The following GRIK2 variants were observed in gnomAD, a reference collection of about 807,000 sequenced individuals.
The protein encoded by GRIK2 is glutamate receptor ionotropic, kainate 2.
In GRIK2, 32 loss-of-function variants were observed where a neutral mutation model predicts 100.3. The ratio of observed to expected loss-of-function variants is 0.32; its 90% CI spans 0.24 to 0.43. GRIK2 has a LOEUF of 0.43. Ranked by LOEUF, GRIK2 falls within the 20% of genes least tolerant of loss-of-function variation. The pLI, the probability that GRIK2 is intolerant of heterozygous loss-of-function variation, is 1.00. For synonymous variants in GRIK2, 417 were observed against 389.4 expected (o/e 1.07, Z -0.83); for missense variants, 843 against 1,114.9 (o/e 0.76, Z 3.47).
intron 14 of GRIK2, among the ~76,000 whole-genome samples, chr6:101,977,789 A>T (rs1793483009): frequency 6.6e-6 from 1 of 151,978 alleles, no homozygotes; most frequent in Non-Finnish European, 1.5e-5. Flanking sequence ...ACAATCCTCT[A>T]AGCCTTTTTT....
At chr6:102,054,288 C>T (rs1347923891) in intron 15 of GRIK2, among the ~76,000 whole-genome samples, 1 of 152,118 alleles carries the variant, frequency 6.6e-6, no homozygotes, top group East Asian at 1.9e-4. Flanking sequence ...GATGTGGACA[C>T]ATTTAAATCA....
intron 2 of GRIK2, among the ~76,000 whole-genome samples, chr6:101,549,585 C>A (rs1385181297): frequency 2.0e-5 from 3 of 151,940 alleles, no homozygotes; most frequent in African/African-American, 7.3e-5. Flanking sequence ...TTTAATGCAG[C>A]AATTTTTTTC....
At chr6:101,874,859 A>G (rs1398464057) in intron 11 of GRIK2, among the ~76,000 whole-genome samples, 1 of 152,056 alleles carries the variant, frequency 6.6e-6, no homozygotes, top group Non-Finnish European at 1.5e-5. Context: ...CTTAGAAGCA[A>G]TTGTGAATGG....
chr6:101,536,053 C>T (rs900485442), intron 2 of GRIK2, among the ~76,000 whole-genome samples: 3 of 151,714 alleles, frequency 2.0e-5, no homozygotes, highest in African/African-American at 7.2e-5. Context: ...ATTTCACAGT[C>T]ATCTGAGATT....
chr6:101,562,067 A>G (rs1209686269), intron 2 of GRIK2, among the ~76,000 whole-genome samples: 1 of 152,176 alleles, frequency 6.6e-6, no homozygotes, highest in Admixed American at 6.5e-5. Context: ...GCAGAAAACA[A>G]TGGCAAAGCT....
At chr6:101,398,032 T>G (rs1775083153) in intron 1 of GRIK2, among the ~76,000 whole-genome samples, 1 of 152,188 alleles carries the variant, frequency 6.6e-6, no homozygotes, top group African/African-American at 2.4e-5. Flanking sequence ...AATAAACTCC[T>G]AACGAAAGCC....
At chr6:101,482,996 G>A (rs186875054) in intron 2 of GRIK2, among the ~76,000 whole-genome samples, 7 of 152,196 alleles carry the variant, frequency 4.6e-5, no homozygotes, top group East Asian at 1.9e-4. Context: ...TACATCCAAC[G>A]TGTAATTATT....
At chr6:101,984,722 A>C (rs1793922327) in intron 14 of GRIK2, among the ~76,000 whole-genome samples, 1 of 151,038 alleles carries the variant, frequency 6.6e-6, no homozygotes, top group South Asian at 2.1e-4. Flanking sequence ...TTTCAGAATC[A>C]ATCTAAAGAG....
At chr6:101,998,528 T>A (rs1794763982) in intron 14 of GRIK2, among the ~76,000 whole-genome samples, 1 of 152,096 alleles carries the variant, frequency 6.6e-6, no homozygotes, top group Non-Finnish European at 1.5e-5. Context: ...TTTGTTGTCT[T>A]ATTTAGGAAA....
chr6:101,945,192 T>C (rs545542002), intron 14 of GRIK2, among the ~76,000 whole-genome samples: 16 of 152,118 alleles, frequency 1.1e-4, no homozygotes, highest in Non-Finnish European at 2.1e-4. Context: ...GCTTTTTAGG[T>C]TTATGCAATC....
chr6:101,968,133 A>AGTT (rs1792806965), intron 14 of GRIK2, among the ~76,000 whole-genome samples: 1 of 152,186 alleles, frequency 6.6e-6, no homozygotes, highest in South Asian at 2.1e-4. Context: ...AATTTTCAAA[A>AGTT]GTTAAAAAAA....
intron 4 of GRIK2, among the ~76,000 whole-genome samples, chr6:101,639,534 CA>C (rs1781184774): frequency 6.6e-6 from 1 of 152,064 alleles, no homozygotes; most frequent in Non-Finnish European, 1.5e-5. Flanking sequence ...GACTTGTCCA[CA>C]TAAAAATTGA....
chr6:101,993,120 AT>A (rs1794458380), intron 14 of GRIK2: 1 of 151,290 alleles, frequency 6.6e-6, no homozygotes, highest in African/African-American at 2.4e-5. Context: ...AGCCAATAAC[AT>A]TCTTTTCCTC....
At chr6:101,571,551 G>T (rs1232100339) in intron 2 of GRIK2, among the ~76,000 whole-genome samples, 1 of 152,026 alleles carries the variant, frequency 6.6e-6, no homozygotes, top group African/African-American at 2.4e-5. Flanking sequence ...TGCAAGAAAG[G>T]TATTTTATTT....
At chr6:101,757,349 A>G (rs1777199467) in intron 7 of GRIK2, among the ~76,000 whole-genome samples, 1 of 152,198 alleles carries the variant, frequency 6.6e-6, no homozygotes, top group East Asian at 1.9e-4. Flanking sequence ...TTCATGGAAA[A>G]CAATATAGTA....
chr6:101,648,685 CATTT>C (rs774279760), intron 4 of GRIK2, among the ~76,000 whole-genome samples: 15 of 151,908 alleles, frequency 9.9e-5, no homozygotes, highest in South Asian at 2.1e-4. Context: ...CCCTTGATTT[CATTT>C]ATTTATCATT....
intron 4 of GRIK2, among the ~76,000 whole-genome samples, chr6:101,635,892 C>T (rs1329831927): frequency 1.3e-5 from 2 of 152,192 alleles, no homozygotes; most frequent in African/African-American, 2.4e-5. Context: ...AATGCTTTTA[C>T]ACTGTTGGTA....
At chr6:101,924,300 C>A (rs1019680453) in intron 12 of GRIK2, among the ~76,000 whole-genome samples, 1 of 151,926 alleles carries the variant, frequency 6.6e-6, no homozygotes, top group Non-Finnish European at 1.5e-5. Context: ...TTTTATAAAT[C>A]CTGTACATAC....
chr6:101,750,592 G>A (rs1776724750), intron 7 of GRIK2, among the ~76,000 whole-genome samples: 5 of 152,208 alleles, frequency 3.3e-5, no homozygotes, highest in Admixed American at 3.3e-4. Context: ...TATAGCACAA[G>A]CTATAGTAAC....
Sources: allele counts gnomAD v4.1 joint callset (sites outside exome capture counted in the v4.1 genomes callset), GRCh38; gene constraint gnomAD v4.1.1; transcripts MANE v1.5; gene names NCBI Gene and HGNC (gene_info 2026-07-23, HGNC 2026-07-21).